Variants in ARHGEF10L observed in about 807,000 individuals in gnomAD.
ARHGEF10L encodes the protein Rho guanine nucleotide exchange factor 10 like.
In ARHGEF10L, 69 loss-of-function variants were observed where a neutral mutation model predicts 141.2. That is an observed-to-expected ratio of 0.49 (90% confidence interval 0.40 to 0.60). ARHGEF10L has a LOEUF of 0.60. ARHGEF10L is among the 20% of genes least tolerant of loss of function. The pLI is 0.00. For synonymous variants in ARHGEF10L, 711 were observed against 718.5 expected (o/e 0.99, Z 0.17); for missense variants, 1,482 against 1,734.3 (o/e 0.85, Z 2.58).
intron 5 of ARHGEF10L, 95 bp downstream of exon 5, chr1:17,602,313 G>A: frequency 1.4e-6 from 2 of 1,408,004 alleles, no homozygotes; most frequent in Non-Finnish European, 1.9e-6. Flanking sequence ...GGGCTCCTGT[G>A]AGCCCAGGGT....
chr1:17,588,262 G>C (rs1412398105), intron 3 of ARHGEF10L, among the ~76,000 whole-genome samples, 184 bp from the exon 4 acceptor site: 1 of 134,426 alleles, frequency 7.4e-6, no homozygotes, highest in East Asian at 2.5e-4. Context: ...GGTGGTGCAG[G>C]CCAGGTAGGG....
chr1:17,669,708 C>T (rs1454787324), intron 26 of ARHGEF10L, among the ~76,000 whole-genome samples: 3 of 152,242 alleles, frequency 2.0e-5, no homozygotes, highest in Non-Finnish European at 4.4e-5. Context: ...GGGCCGAGGA[C>T]TGTGTTGTGT....
intron 27 of ARHGEF10L, among the ~76,000 whole-genome samples, chr1:17,690,767 G>A (rs530205964): frequency 6.6e-6 from 1 of 152,340 alleles, no homozygotes; most frequent in African/African-American, 2.4e-5. Flanking sequence ...GGCTCCCTGA[G>A]CTCCAAGCTG....
At chr1:17,661,629 TG>T (rs928211933) in intron 25 of ARHGEF10L, among the ~76,000 whole-genome samples, 1 of 152,108 alleles carries the variant, frequency 6.6e-6, no homozygotes. Context: ...TTTCCAGTTT[TG>T]GGGGGGTGTT....
chr1:17,580,697 G>A (rs564422158), intron 2 of ARHGEF10L, 65 bp downstream of exon 2: 27 of 1,598,396 alleles, frequency 1.7e-5, no homozygotes, highest in Admixed American at 8.4e-5. Flanking sequence ...GGGGGCCGGC[G>A]GAGGGCCTTG....
intron 15 of ARHGEF10L, among the ~76,000 whole-genome samples, chr1:17,630,462 G>A (rs1222183921): frequency 1.3e-5 from 2 of 152,222 alleles, no homozygotes; most frequent in Non-Finnish European, 2.9e-5. Flanking sequence ...TCTTGAGTTG[G>A]CGTTTGGTTT....
At chr1:17,579,018 CTTT>C (rs996537115) in intron 1 of ARHGEF10L, among the ~76,000 whole-genome samples, 6 of 150,382 alleles carry the variant, frequency 4.0e-5, no homozygotes, top group African/African-American at 1.5e-4. Context: ...GGTTGACTAA[CTTT>C]TTTTTTTTTA....
intron 26 of ARHGEF10L, among the ~76,000 whole-genome samples, chr1:17,672,007 CG>C (rs1173465675): frequency 1.3e-5 from 2 of 152,190 alleles, no homozygotes; most frequent in African/African-American, 4.8e-5. Context: ...TAACCGGCTT[CG>C]GAGCATGAAG....
At chr1:17,548,648 T>A (rs1010503434) in intron 1 of ARHGEF10L, among the ~76,000 whole-genome samples, 1 of 132,602 alleles carries the variant, frequency 7.5e-6, no homozygotes, top group Non-Finnish European at 1.6e-5. Flanking sequence ...AAATAATTCT[T>A]TTTTTTTTTT....
At chr1:17,631,624 C>G (rs1432684848) in intron 15 of ARHGEF10L, among the ~76,000 whole-genome samples, 2 of 152,242 alleles carry the variant, frequency 1.3e-5, no homozygotes, top group Non-Finnish European at 2.9e-5. Context: ...AGGCCATGAC[C>G]TGTGTCATCA....
intron 1 of ARHGEF10L, among the ~76,000 whole-genome samples, chr1:17,575,466 G>A (rs914478111): frequency 6.6e-6 from 1 of 152,234 alleles, no homozygotes; most frequent in African/African-American, 2.4e-5. Context: ...CCATGTGGAG[G>A]GAACAGACAG....
chr1:17,692,090 G>A (rs1268170124), intron 27 of ARHGEF10L, among the ~76,000 whole-genome samples: 1 of 152,208 alleles, frequency 6.6e-6, no homozygotes, highest in African/African-American at 2.4e-5. Context: ...ACTCCAGGAG[G>A]GCTGGGGGCC....
At chr1:17,649,916 AG>A (rs1363010217) in intron 22 of ARHGEF10L, among the ~76,000 whole-genome samples, 2 of 152,110 alleles carry the variant, frequency 1.3e-5, no homozygotes, top group African/African-American at 4.8e-5. Context: ...AGGAGGAGAG[AG>A]GGCGGGCCCC....
At chr1:17,591,059 A>G (rs996649884) in intron 4 of ARHGEF10L, among the ~76,000 whole-genome samples, 1 of 152,156 alleles carries the variant, frequency 6.6e-6, no homozygotes, top group Admixed American at 6.6e-5. Context: ...AATGAATGGC[A>G]TGTCAATAGG....
At chr1:17,618,390 C>G in intron 9 of ARHGEF10L, 1 of 1,543,072 alleles carries the variant, frequency 6.5e-7, no homozygotes, top group Non-Finnish European at 8.7e-7. Flanking sequence ...GAGGAAGCTG[C>G]GAGGCAGGCT....
In ARHGEF10L at chr1:17,625,876, A is replaced by G. The variant is rs1402412229; in HGVS notation, c.1318-80A>G. The G allele has an allele frequency of 2.0e-5, 25 of 1,266,996 alleles. No individual in the cohort carries two copies. Among genetic ancestry groups the G allele is most frequent in the African/African-American group, 4.4e-5 (3 of 67,638 alleles). The allele number at this position is 1,266,996 out of a possible 1,614,324, so 78.5% of individuals were successfully genotyped here. On this transcript the variant is annotated intron_variant, in intron 13 of 28. Coordinates refer to ENST00000361221, the MANE Select transcript of ARHGEF10L (RefSeq NM_018125.4). The surrounding 1 kb of genome is among the most constrained non-coding windows in gnomAD (Gnocchi z 4.5). ...TAGGGCCTGGGGAGAGGAGCCCAGA[A>G]TGGGGACAGTGTCTGGACTCTGGGG... is the stretch of plus-strand genomic sequence containing the variant.
Position 17,623,004 on chromosome 1 carries a change from C to A in ARHGEF10L, c.1029C>A (p.Arg343=). ...CCCGCCCTCCCCGGCAGGACTACCG[C>A]AACCCCCTGATGGAGATGGAGCCCA... is the stretch of plus-strand genomic sequence containing the variant. ...ESLKRILQDY[R]NPLMEMEPKA... The change falls in exon 12 of 29, where the codon CGC becomes CGA. Residue 343 remains arginine, a synonymous_variant. Coordinates refer to ENST00000361221, the MANE Select transcript of ARHGEF10L (RefSeq NM_018125.4). This position sits in a 1 kb window ranked among gnomAD's most constrained non-coding sequence, Gnocchi z 4.7. 1 of 1,612,634 alleles carries A rather than the reference C, an allele frequency of 6.2e-7. No homozygotes were observed. Among genetic ancestry groups the A allele is most frequent in the Non-Finnish European group, 8.5e-7 (1 of 1,179,684 alleles).
chr1:17,684,801 G>T (rs1437250729), intron 26 of ARHGEF10L, among the ~76,000 whole-genome samples: 1 of 152,150 alleles, frequency 6.6e-6, no homozygotes, highest in African/African-American at 2.4e-5. Flanking sequence ...GCCTGACCCT[G>T]GGGAGAGGAA....
rs1367693616 is a variant in ARHGEF10L, at chr1:17,621,635, T to C, written c.943-229T>C. ...CCCAGATGTATGTGCACAGAGGGGC[T>C]TTCCCTGGGATGTGCCCTTCCTCCT... On this transcript the variant is annotated intron_variant, in intron 10 of 28. Transcript: ENST00000361221. This position sits in a 1 kb window ranked among gnomAD's most constrained non-coding sequence, Gnocchi z 4.1. Among the ~76,000 whole-genome samples the C allele has an allele frequency of 6.6e-6, 1 of 152,162 alleles. No homozygotes were observed. The highest frequency in any genetic ancestry group is 6.5e-5 in the Admixed American group (1 of 15,282).
Sources: allele counts gnomAD v4.1 joint callset (sites outside exome capture counted in the v4.1 genomes callset), GRCh38; gene constraint gnomAD v4.1.1; non-coding constraint Gnocchi (gnomAD v3.1); transcripts MANE v1.5; gene names NCBI Gene and HGNC (gene_info 2026-07-23, HGNC 2026-07-21).